The following ZC3H13 variants were observed in gnomAD, a reference collection of about 807,000 sequenced individuals.
ZC3H13 encodes the protein zinc finger CCCH-type containing 13.
ZC3H13 carries 64 observed loss-of-function variants against 204.1 expected under a neutral mutation model. That is an observed-to-expected ratio of 0.31 (90% CI 0.26 to 0.39). ZC3H13 has a LOEUF of 0.39. Among genes scored for constraint, ZC3H13 ranks in the 10% least tolerant of loss-of-function variants. The probability of loss-of-function intolerance (pLI) is 1.00; values close to 1 mark genes in which losing one functional copy is unlikely to be tolerated. For synonymous variants in ZC3H13, 667 were observed against 693.7 expected, an observed-to-expected ratio of 0.96 and a Z score of 0.60; for missense variants, 1,833 against 2,082.7, an observed-to-expected ratio of 0.88 and a Z score of 2.33.
chr13:45,957,228 A>G lies in ZC3H13; in HGVS notation c.4909T>C (p.Leu1637=). ...DNELLRLSLR[L]FKRKTTCHAP... is the part of the protein sequence containing the mutation. ...TGGCAAGTAGTCTTCCGCTTAAATA[A>G]CCGAAGACTCAATCGAAGTAATTCA... The change falls in exon 19 of 19, where the codon TTA becomes CTA. Residue 1637 remains leucine (L), a synonymous_variant. Coordinates refer to ENST00000679008, the MANE Select transcript of ZC3H13 (RefSeq NM_001330564.2). 1 of 1,548,788 alleles carries G rather than the reference A, an allele frequency of 6.5e-7. No individual in the cohort carries two copies. The highest frequency in any genetic ancestry group is 1.4e-5 in the African/African-American group (1 of 73,124).
At chr13:46,016,767 C>T (rs914705113) in intron 5 of ZC3H13, among the ~76,000 whole-genome samples, 1 of 152,060 alleles carries the variant, frequency 6.6e-6, no homozygotes, top group African/African-American at 2.4e-5. Flanking sequence ...AAAGATTATT[C>T]TTGCTTTAAA....
intron 14 of ZC3H13, 21 bp downstream of exon 14, chr13:45,968,727 A>T: frequency 6.4e-7 from 1 of 1,556,306 alleles, no homozygotes; most frequent in Non-Finnish European, 8.7e-7. Flanking sequence ...CAGTGACTAG[A>T]TCACAATTCA....
chr13:46,022,574 C>A (rs1275044465), intron 4 of ZC3H13, among the ~76,000 whole-genome samples: 1 of 152,048 alleles, frequency 6.6e-6, no homozygotes, highest in South Asian at 2.1e-4. Flanking sequence ...TCTCTTAAAT[C>A]CAAACATATT....
intron 4 of ZC3H13, among the ~76,000 whole-genome samples, chr13:46,039,497 G>A (rs927107615): frequency 2.0e-5 from 3 of 152,098 alleles, no homozygotes; most frequent in Non-Finnish European, 4.4e-5. Flanking sequence ...TCCATTTTAC[G>A]GATAAGGAGA....
intron 11 of ZC3H13, among the ~76,000 whole-genome samples, chr13:45,978,205 T>G (rs1234600703): frequency 6.6e-6 from 1 of 152,102 alleles, no homozygotes; most frequent in African/African-American, 2.4e-5. Context: ...TAGTAGCATT[T>G]TATCACACTT....
Position 45,969,817 on chromosome 13 carries a change from T to C in ZC3H13, c.2727A>G (p.Glu909=). 6.2e-7 allele frequency: 1 copy of C among 1,613,934 alleles called. No homozygotes were observed. The highest frequency in any genetic ancestry group is 8.5e-7 in the Non-Finnish European group (1 of 1,180,022). The change falls in exon 14 of 19, where the codon GAA becomes GAG. Residue 909 remains glutamate, a synonymous_variant. Coordinates refer to ENST00000679008, the MANE Select transcript of ZC3H13 (RefSeq NM_001330564.2). The part of the protein sequence containing the change: ...KESSRRYEEQ[E]LKEKVSSVDK... Reference sequence around the variant, plus strand: ...CTACAGAAGAAACTTTCTCCTTGAGTTCCTGTTCTTCGTAGCGCCTTGAAC... The same window carrying C: ...CTACAGAAGAAACTTTCTCCTTGAGCTCCTGTTCTTCGTAGCGCCTTGAAC...
intron 18 of ZC3H13, among the ~76,000 whole-genome samples, chr13:45,958,934 A>G (rs568187546): frequency 2.5e-4 from 38 of 152,184 alleles, no homozygotes; most frequent in African/African-American, 8.7e-4. Flanking sequence ...GATTACAGGC[A>G]TGAGCCACCA....
At chr13:45,990,593 A>G (rs146223533) in intron 8 of ZC3H13, among the ~76,000 whole-genome samples, 7 of 152,346 alleles carry the variant, frequency 4.6e-5, no homozygotes, top group African/African-American at 1.7e-4. Flanking sequence ...ATAAGCTACT[A>G]AAATTTAATT....
chr13:46,021,804 C>T (rs1304486531), intron 4 of ZC3H13, among the ~76,000 whole-genome samples: 1 of 151,868 alleles, frequency 6.6e-6, no homozygotes, highest in Admixed American at 6.6e-5. Flanking sequence ...TACTTTTACT[C>T]TTAAAACATA....
rs546683840 is a variant in ZC3H13 at position 45,964,174 on chromosome 13, C to T, written c.4475-132G>A. 133 of 774,970 alleles carry T rather than the reference C, an allele frequency of 1.7e-4. No individual in the cohort carries two copies. The African/African-American group carries it at 2.2e-3, about 13-fold the overall frequency. 48.0% of individuals were successfully genotyped at this position (774,970 alleles called of 1,614,324 possible). A position where few individuals can be genotyped will look rare whatever the true frequency, so the allele number is the denominator to read the frequency against. On this transcript the variant is annotated intron_variant, in intron 16 of 18. Coordinates refer to ENST00000679008, the MANE Select transcript of ZC3H13 (RefSeq NM_001330564.2). ...TACTTTAAACCAAAAATGTCCTATT[C>T]TTAAAATAAAAGCCTTCCCATATAA... is the stretch of plus-strand genomic sequence containing the variant.
At chr13:45,963,262 C>G (rs1457796027) in intron 17 of ZC3H13, 1 of 985,722 alleles carries the variant, frequency 1.0e-6, no homozygotes, top group Non-Finnish European at 1.2e-6. Context: ...GTTAAAGACT[C>G]AACCTACACA....
intron 1 of ZC3H13, among the ~76,000 whole-genome samples, chr13:46,048,480 C>G (rs1471891422): frequency 1.6e-4 from 23 of 146,822 alleles, no homozygotes; most frequent in Admixed American, 2.7e-4. Context: ...ACTCGGGAGG[C>G]TGAGGCGGGA....
At chr13:46,036,053 CAGG>C (rs2043189520) in intron 4 of ZC3H13, among the ~76,000 whole-genome samples, 2 of 150,826 alleles carry the variant, frequency 1.3e-5, no homozygotes, top group African/African-American at 2.4e-5. Context: ...GAGGCTGAGG[CAGG>C]AGGATTGTTT....
Position 45,985,448 on chromosome 13 carries a change from T to C in ZC3H13, c.1569A>G (p.Pro523=), listed in dbSNP as rs137886357. Residue 523 remains proline, a synonymous_variant, in exon 10 of 19, where the codon CCA becomes CCG. Coordinates refer to ENST00000679008, the MANE Select transcript of ZC3H13 (RefSeq NM_001330564.2). ...RDTHRKEDTY[P]EESRSYGRNH... is the part of the protein sequence containing the mutation. ...TTCGGCCATAACTCCGGGATTCTTCTGGATATGTATCCTCCTTTCGATGAG... is the reference window on the plus strand; with the variant it reads ...TTCGGCCATAACTCCGGGATTCTTCCGGATATGTATCCTCCTTTCGATGAG... The C allele has an allele frequency of 5.0e-6, 8 of 1,614,230 alleles. No homozygotes were observed. The East Asian group carries it at 1.6e-4, about 31-fold the overall frequency.
Position 45,975,453 on chromosome 13 carries a change from T to C in ZC3H13, c.2298A>G (p.Arg766=), listed in dbSNP as rs1952943037. The change falls in exon 12 of 19, where the codon AGA becomes AGG. Residue 766 remains arginine (R), a synonymous_variant. Coordinates refer to ENST00000679008, the MANE Select transcript of ZC3H13 (RefSeq NM_001330564.2). ...CTCGTTCCCGTTCTCGCTCTCGCTC[T>C]CTCTCCCGTTCTCGCTCTCTCTCCC... is the stretch of plus-strand genomic sequence containing the variant. ...RERERERERE[R]ERERERERER... 2 of 1,613,370 alleles carry C rather than the reference T, an allele frequency of 1.2e-6. No homozygotes were observed. The highest frequency in any genetic ancestry group is 1.7e-6 in the Non-Finnish European group (2 of 1,179,750).
chr13:46,017,955 A>T (rs1396379806), intron 5 of ZC3H13, among the ~76,000 whole-genome samples: 4 of 152,188 alleles, frequency 2.6e-5, no homozygotes, highest in African/African-American at 9.6e-5. Context: ...ACCTTTTAAA[A>T]GAATTTCCTA....
chr13:45,967,086 C>A (rs1952153243), intron 15 of ZC3H13, among the ~76,000 whole-genome samples: 1 of 152,086 alleles, frequency 6.6e-6, no homozygotes, highest in South Asian at 2.1e-4. Context: ...GTTATTGTTT[C>A]ATATATTTGT....
chr13:46,029,604 A>G (rs2042760409), intron 4 of ZC3H13, among the ~76,000 whole-genome samples: 1 of 151,320 alleles, frequency 6.6e-6, no homozygotes, highest in Non-Finnish European at 1.5e-5. Flanking sequence ...AATTTTTTGT[A>G]TTTTTAGTAG....
In ZC3H13 at chr13:45,975,593, CTCTT is replaced by C. The variant is rs1402524207; in HGVS notation, c.2154_2157del (p.Arg719LysfsTer145). The C allele has an allele frequency of 6.4e-7, 1 of 1,568,184 alleles. No individual in the cohort carries two copies. The highest frequency in any genetic ancestry group is 1.2e-5 in the South Asian group (1 of 86,784). Reference sequence around the variant, plus strand: ...TCCCTTTCACGATCTCTCTCTTTTTCTCTTTCTCTCTCCCGTTCCCTAGCACGCT... The same window carrying C: ...TCCCTTTCACGATCTCTCTCTTTTTCTCTCTCTCCCGTTCCCTAGCACGCT... On this transcript the variant is annotated frameshift_variant, in exon 12 of 19. Coordinates refer to ENST00000679008, the MANE Select transcript of ZC3H13 (RefSeq NM_001330564.2). LOFTEE classifies it high-confidence loss of function.
Sources: gnomAD v4.1 joint callset for allele counts (sites outside exome capture counted in the v4.1 genomes callset) on GRCh38, gnomAD v4.1.1 for gene constraint, MANE v1.5 for transcripts, NCBI Gene and HGNC (gene_info 2026-07-23, HGNC 2026-07-21) for gene names.